GRIA1: variants seen among roughly 807,000 people sequenced by gnomAD.
GRIA1 encodes glutamate ionotropic receptor AMPA type subunit 1, also known as glutamate receptor 1.
Under a neutral mutation model 99.2 loss-of-function variants are expected in GRIA1, and 31 were observed. The observed-to-expected ratio is 0.31, with a 90% CI of 0.23 to 0.42. The LOEUF is 0.42. Ranked by LOEUF, GRIA1 falls within the 10% of genes least tolerant of loss-of-function variation. The pLI is 1.00. For missense variants in GRIA1, 782 were observed against 1,157.5 expected, an observed-to-expected ratio of 0.68 and a Z score of 4.71; for synonymous variants, 438 against 432.4, an observed-to-expected ratio of 1.01 and a Z score of -0.16.
At chr5:153,679,482 G>T (rs1581455884) in intron 7 of GRIA1, among the ~76,000 whole-genome samples, 1 of 152,162 alleles carries the variant, frequency 6.6e-6, no homozygotes, top group East Asian at 1.9e-4. Flanking sequence ...ACTCACCCAG[G>T]GTCACACAGC....
At chr5:153,652,811 T>G (rs1754671686) in intron 4 of GRIA1, among the ~76,000 whole-genome samples, 1 of 152,210 alleles carries the variant, frequency 6.6e-6, no homozygotes, top group Non-Finnish European at 1.5e-5. Context: ...TTAAGTTATT[T>G]GCCTTAGACA....
intron 2 of GRIA1, among the ~76,000 whole-genome samples, chr5:153,528,213 T>A (rs1443671297): frequency 1.3e-5 from 2 of 152,222 alleles, no homozygotes; most frequent in Non-Finnish European, 2.9e-5. Context: ...AAAAGAAACA[T>A]TGCCCTTTTA....
chr5:153,738,900 T>G (rs1216382997), intron 11 of GRIA1, among the ~76,000 whole-genome samples: 1 of 151,900 alleles, frequency 6.6e-6, no homozygotes. Context: ...TTTTGTATTT[T>G]TAGTAGAGAC....
At chr5:153,717,233 A>T (rs1307855207) in intron 11 of GRIA1, among the ~76,000 whole-genome samples, 1 of 152,010 alleles carries the variant, frequency 6.6e-6, no homozygotes, top group Admixed American at 6.6e-5. Flanking sequence ...TCAGTGCTAG[A>T]GTTCTTCTAC....
At chr5:153,809,526 C>T (rs761936557) in intron 15 of GRIA1, among the ~76,000 whole-genome samples, 3 of 152,224 alleles carry the variant, frequency 2.0e-5, no homozygotes, top group Non-Finnish European at 2.9e-5. Flanking sequence ...CCCTGTTTAT[C>T]TCTGTCTGGC....
chr5:153,691,355 G>A (rs1180934937), intron 8 of GRIA1, among the ~76,000 whole-genome samples: 2 of 152,130 alleles, frequency 1.3e-5, no homozygotes, highest in Non-Finnish European at 2.9e-5. Flanking sequence ...ATTTTTCATC[G>A]AAGAACTGGT....
At chr5:153,744,723 T>C (rs541947858) in intron 11 of GRIA1, among the ~76,000 whole-genome samples, 159 of 152,268 alleles carry the variant, frequency 1.0e-3, no homozygotes, top group African/African-American at 3.6e-3. Flanking sequence ...ACAGGAAAAG[T>C]AGAGTGAGAG....
chr5:153,736,455 G>T (rs1761385090), intron 11 of GRIA1, among the ~76,000 whole-genome samples: 1 of 152,108 alleles, frequency 6.6e-6, no homozygotes, highest in African/African-American at 2.4e-5. Context: ...CTGGGCAGAG[G>T]CAAGAGCCTT....
chr5:153,565,047 C>T (rs894162573), intron 2 of GRIA1, among the ~76,000 whole-genome samples: 2 of 152,132 alleles, frequency 1.3e-5, no homozygotes, highest in African/African-American at 2.4e-5. Context: ...AATTTTCCCC[C>T]CTTTGGATTA....
At chr5:153,807,169 G>A (rs751931667) in intron 15 of GRIA1, among the ~76,000 whole-genome samples, 6 of 152,138 alleles carry the variant, frequency 3.9e-5, no homozygotes, top group Non-Finnish European at 7.4e-5. Flanking sequence ...TTGACATGTC[G>A]ATGAGCAGGA....
intron 2 of GRIA1, among the ~76,000 whole-genome samples, chr5:153,570,137 G>T (rs1761987105): frequency 1.3e-5 from 2 of 152,110 alleles, no homozygotes; most frequent in South Asian, 4.1e-4. Context: ...AATATTTTCT[G>T]TTTCTGTTCT....
chr5:153,625,064 A>G lies in GRIA1; in HGVS notation c.221-21864A>G, dbSNP rs578022627. ...GCTATACAATTCATTCATGTGCCGC[A>G]GCCCTGGTTGGCTGCTGAATATAAG... On this transcript the variant is annotated intron_variant, in intron 2 of 15. Coordinates refer to ENST00000285900, the MANE Select transcript of GRIA1 (RefSeq NM_000827.4). Among the ~76,000 whole-genome samples the G allele has an allele frequency of 2.6e-5, 4 of 152,276 alleles. No homozygotes were observed. The East Asian group carries it at 7.7e-4, about 29-fold the overall frequency.
intron 2 of GRIA1, chr5:153,557,766 C>T (rs4958662): frequency 0.83 from 125,947 of 152,108 alleles, 52,224 homozygotes; most frequent in Non-Finnish European, 0.85. Context: ...GTCAGGATCA[C>T]CAACATCACT....
At chr5:153,714,884 A>G (rs1317087046) in intron 11 of GRIA1, among the ~76,000 whole-genome samples, 3 of 152,244 alleles carry the variant, frequency 2.0e-5, no homozygotes, top group Admixed American at 1.3e-4. Context: ...AATGGTGTCA[A>G]GAACACTAAT....
chr5:153,530,670 G>T (rs1758011603), intron 2 of GRIA1, among the ~76,000 whole-genome samples: 1 of 152,188 alleles, frequency 6.6e-6, no homozygotes, highest in Admixed American at 6.5e-5. Flanking sequence ...TTGGGCCTGG[G>T]TGTTTGCATT....
chr5:153,712,336 C>G (rs1407672148), intron 11 of GRIA1, among the ~76,000 whole-genome samples: 1 of 152,214 alleles, frequency 6.6e-6, no homozygotes, highest in Non-Finnish European at 1.5e-5. Flanking sequence ...AGGCATGAGC[C>G]ACTGTGCCCA....
intron 2 of GRIA1, among the ~76,000 whole-genome samples, chr5:153,518,087 T>G (rs1434698065): frequency 3.3e-5 from 5 of 152,198 alleles, no homozygotes; most frequent in African/African-American, 1.2e-4. Flanking sequence ...CTGGCTCTAG[T>G]TCACTATTCA....
At chr5:153,619,291 C>G (rs1766804992) in intron 2 of GRIA1, among the ~76,000 whole-genome samples, 1 of 152,108 alleles carries the variant, frequency 6.6e-6, no homozygotes, top group Non-Finnish European at 1.5e-5. Flanking sequence ...CATTAGGAAG[C>G]CCCAAACTTA....
chr5:153,492,430 C>T, intron 1 of GRIA1: 1 of 955,172 alleles, frequency 1.0e-6, no homozygotes, highest in East Asian at 3.0e-5. Context: ...CTCTTTCATT[C>T]ATTGCAGAGG....
Sources: allele counts gnomAD v4.1 joint callset (sites outside exome capture counted in the v4.1 genomes callset), GRCh38; gene constraint gnomAD v4.1.1; transcripts MANE v1.5; gene names NCBI Gene and HGNC (gene_info 2026-07-23, HGNC 2026-07-21).